PARD3B: variants seen among roughly 807,000 people sequenced by gnomAD.
PARD3B encodes the protein partitioning defective 3 homolog B.
PARD3B carries 103 observed loss-of-function variants against 130.2 expected under a neutral mutation model. That is an observed-to-expected ratio of 0.79 (90% CI 0.67 to 0.93). PARD3B has a LOEUF of 0.93. PARD3B is among the 40% of genes least tolerant of loss of function. The pLI is 0.00. For synonymous variants in PARD3B, 583 were observed against 553.2 expected (o/e 1.05, Z -0.76); for missense variants, 1,609 against 1,499.2 (o/e 1.07, Z -1.21).
At chr2:204,645,509 A>G (rs2035241538) in intron 1 of PARD3B, among the ~76,000 whole-genome samples, 1 of 152,096 alleles carries the variant, frequency 6.6e-6, no homozygotes, top group African/African-American at 2.4e-5. Flanking sequence ...GCTTAATGTG[A>G]CATATTAGTT....
intron 22 of PARD3B, among the ~76,000 whole-genome samples, chr2:205,577,965 T>C (rs1026991313): frequency 6.6e-6 from 1 of 152,218 alleles, no homozygotes; most frequent in Non-Finnish European, 1.5e-5. Flanking sequence ...TGGAAAGCAG[T>C]TTAGGCTGCA....
intron 2 of PARD3B, among the ~76,000 whole-genome samples, chr2:204,861,655 C>T (rs948369868): frequency 2.6e-5 from 4 of 151,978 alleles, no homozygotes; most frequent in African/African-American, 9.7e-5. Flanking sequence ...GAGAAGTACT[C>T]TTGGCTTTTG....
Position 205,550,955 on chromosome 2 carries a change from G to GTGTGTGTGTATATATA in PARD3B, c.3181-2368_3181-2367insGTGTGTGTATATATAT, listed in dbSNP as rs796567936. Among the ~76,000 whole-genome samples, 7 of 94,456 alleles carry GTGTGTGTGTATATATA rather than the reference G, an allele frequency of 7.4e-5. No homozygotes were observed. The highest frequency in any genetic ancestry group is 2.7e-4 in the African/African-American group (7 of 26,404). 62.0% of individuals were successfully genotyped at this position (94,456 alleles called of 152,430 possible). A position where few individuals can be genotyped will look rare whatever the true frequency, so the allele number is the denominator to read the frequency against. ...TGTGTGTGTGTGTATATATATATGTGTATATATATATATATATATATACAC... is the reference window on the plus strand; with the variant it reads ...TGTGTGTGTGTGTATATATATATGTGTGTGTGTGTATATATATATATATATATATATATATATACAC... On this transcript the variant is annotated intron_variant, in intron 21 of 22. Coordinates refer to ENST00000406610, the MANE Select transcript of PARD3B (RefSeq NM_001302769.2). The surrounding 1 kb of genome is among the most constrained non-coding windows in gnomAD (Gnocchi z 4.5).
chr2:205,187,047 C>T lies in PARD3B; in HGVS notation c.2024+1184C>T, dbSNP rs868314122. Among the ~76,000 whole-genome samples, 21 of 152,082 alleles carry T rather than the reference C, an allele frequency of 1.4e-4. No homozygotes were observed. Among genetic ancestry groups the T allele is most frequent in the South Asian group, 4.1e-4 (2 of 4,820 alleles). Reference sequence around the variant, plus strand: ...TAGGCTGACAGGTAGGCTCATGGGACGACTGGAACACAAGGGTTCCAAGTG... The same window carrying T: ...TAGGCTGACAGGTAGGCTCATGGGATGACTGGAACACAAGGGTTCCAAGTG... On this transcript the variant is annotated intron_variant, in intron 14 of 22. Coordinates refer to ENST00000406610, the MANE Select transcript of PARD3B (RefSeq NM_001302769.2). The surrounding 1 kb of genome is among the most constrained non-coding windows in gnomAD (Gnocchi z 4.9).
At chr2:204,716,709 G>A (rs541034087) in intron 2 of PARD3B, among the ~76,000 whole-genome samples, 15 of 147,330 alleles carry the variant, frequency 1.0e-4, no homozygotes, top group Non-Finnish European at 1.6e-4. Context: ...TGCAAGTTCC[G>A]CCTCCTGGGT....
chr2:204,771,694 G>GT (rs2041393118), intron 2 of PARD3B, among the ~76,000 whole-genome samples: 1 of 151,950 alleles, frequency 6.6e-6, no homozygotes. Context: ...AAAAGTTGCT[G>GT]TTTTTTATTT....
rs975091590 is a variant in PARD3B at position 205,070,815 on chromosome 2, A to G, written c.504+23125A>G. On this transcript the variant is annotated intron_variant, in intron 4 of 22. Coordinates refer to ENST00000406610, the MANE Select transcript of PARD3B (RefSeq NM_001302769.2). ...TTGTCACTACGTCCAGTTACTGTCA[A>G]TATTTTTATAACTAACAATTTTATG... 2.6e-5 allele frequency among the ~76,000 whole-genome samples: 4 copies of G among 152,256 alleles called. No homozygotes were observed. In the East Asian group the frequency reaches 7.7e-4, roughly 29 times the overall value.
intron 2 of PARD3B, among the ~76,000 whole-genome samples, chr2:204,876,120 C>G (rs1363481191): frequency 6.6e-6 from 1 of 152,124 alleles, no homozygotes; most frequent in Non-Finnish European, 1.5e-5. Context: ...GTGGTGTATC[C>G]ATCCTTGTAA....
At chr2:204,922,621 G>A (rs1306395259) in intron 2 of PARD3B, among the ~76,000 whole-genome samples, 1 of 151,962 alleles carries the variant, frequency 6.6e-6, no homozygotes, top group Non-Finnish European at 1.5e-5. Context: ...TTGGTGGTAA[G>A]GGAAGTAGGA....
At chr2:204,577,902 G>C (rs2032352647) in intron 1 of PARD3B, among the ~76,000 whole-genome samples, 1 of 152,208 alleles carries the variant, frequency 6.6e-6, no homozygotes, top group Admixed American at 6.5e-5. Flanking sequence ...TTTGTAAAGA[G>C]TGATACTTTA....
chr2:204,965,611 T>A (rs1385311933), intron 3 of PARD3B, among the ~76,000 whole-genome samples: 1 of 152,066 alleles, frequency 6.6e-6, no homozygotes, highest in African/African-American at 2.4e-5. Context: ...GAGTATAACT[T>A]TTTAAAAAAT....
At chr2:205,152,839 C>G in intron 10 of PARD3B, among the ~76,000 whole-genome samples, 1 of 152,274 alleles carries the variant, frequency 6.6e-6, no homozygotes, top group South Asian at 2.1e-4. Flanking sequence ...AAGAGGTGCT[C>G]TGGTTTTTAG....
intron 1 of PARD3B, among the ~76,000 whole-genome samples, chr2:204,561,384 C>T (rs1040081978): frequency 6.6e-6 from 1 of 152,196 alleles, no homozygotes; most frequent in Non-Finnish European, 1.5e-5. Flanking sequence ...CGGACCCGCT[C>T]TTGTCCCTTT....
intron 4 of PARD3B, among the ~76,000 whole-genome samples, chr2:205,062,003 C>A (rs185897390): frequency 6.6e-6 from 1 of 152,156 alleles, no homozygotes; most frequent in Admixed American, 6.5e-5. Flanking sequence ...TGTCATCCAT[C>A]TCCTGAGGTT....
intron 2 of PARD3B, among the ~76,000 whole-genome samples, chr2:204,844,484 ACT>A (rs760588290): frequency 3.8e-4 from 58 of 152,258 alleles, no homozygotes; most frequent in African/African-American, 1.3e-3. Flanking sequence ...ATTTATGGAA[ACT>A]CTATGAAATA....
At chr2:204,612,635 CCT>C (rs2033970472) in intron 1 of PARD3B, among the ~76,000 whole-genome samples, 1 of 151,976 alleles carries the variant, frequency 6.6e-6, no homozygotes, top group Admixed American at 6.6e-5. Flanking sequence ...AGTGTGTATT[CCT>C]CTTATTGATA....
chr2:205,335,643 A>C (rs199886046), intron 18 of PARD3B, among the ~76,000 whole-genome samples: 2 of 35,146 alleles, frequency 5.7e-5, no homozygotes, highest in African/African-American at 8.2e-5. Flanking sequence ...AAGACTGGGG[A>C]AAAAAAAAAA....
intron 20 of PARD3B, among the ~76,000 whole-genome samples, chr2:205,455,122 G>T (rs1444354553): frequency 6.6e-6 from 1 of 152,086 alleles, no homozygotes; most frequent in African/African-American, 2.4e-5. Context: ...AAACCTTCTT[G>T]ATTTAAAACC....
At position 205,015,874 on chromosome 2, in the gene PARD3B, A is replaced by G. The variant is rs938846499; in HGVS notation, c.395-31707A>G. Among the ~76,000 whole-genome samples the G allele has an allele frequency of 6.6e-5, 10 of 152,164 alleles. No individual in the cohort carries two copies. Among genetic ancestry groups the G allele is most frequent in the African/African-American group, 2.4e-4 (10 of 41,426 alleles). ...TTCCTGATCGTGAGCCTTATTATGT[A>G]AGCTTGCTTGCTGATGTCTGAAACC... is the stretch of plus-strand genomic sequence containing the variant. On this transcript the variant is annotated intron_variant, in intron 3 of 22. Transcript: ENST00000406610. This position sits in a 1 kb window ranked among gnomAD's most constrained non-coding sequence, Gnocchi z 4.5.
Sources: gnomAD v4.1 joint callset for allele counts (sites outside exome capture counted in the v4.1 genomes callset) on GRCh38, gnomAD v4.1.1 for gene constraint, Gnocchi (gnomAD v3.1) non-coding constraint, MANE v1.5 for transcripts, NCBI Gene and HGNC (gene_info 2026-07-23, HGNC 2026-07-21) for gene names.